APOO: variants seen among roughly 807,000 people sequenced by gnomAD.
The protein encoded by APOO is apolipoprotein O, also known as MICOS complex subunit MIC26.
Under a neutral mutation model 23.1 loss-of-function variants are expected in APOO, and 11 were observed. The observed-to-expected ratio is 0.48, with a 90% CI of 0.30 to 0.79. The LOEUF (loss-of-function observed/expected upper bound fraction) is 0.79. Among genes scored for constraint, APOO ranks in the 30% least tolerant of loss-of-function variants. The pLI, the probability that APOO is intolerant of heterozygous loss-of-function variation, is 0.07. For synonymous variants in APOO, 59 were observed against 54.8 expected (o/e 1.08, Z -0.34); for missense variants, 160 against 142.7 (o/e 1.12, Z -0.62).
chrX:23,858,748 G>C lies in APOO; in HGVS notation c.389-15C>G. 8.6e-7 allele frequency: 1 copy of C among 1,161,004 alleles called. No homozygotes were observed. The highest frequency in any genetic ancestry group is 1.2e-6 in the Non-Finnish European group (1 of 851,797). On this transcript the variant is annotated splice_polypyrimidine_tract_variant and intron_variant, in intron 5 of 8. Transcript: ENST00000379226. ...TATTTTTGAACCTGATAAATAAAAG[G>C]TTGTACACGCCATCAGATGATTCAT...
chrX:23,854,610 T>G (rs979054725), intron 7 of APOO, among the ~76,000 whole-genome samples: 8 of 111,421 alleles, frequency 7.2e-5, no homozygotes, highest in African/African-American at 2.6e-4. Flanking sequence ...AACCTCTGCC[T>G]CCTGGGTTCA....
intron 1 of APOO, among the ~76,000 whole-genome samples, chrX:23,900,815 G>A (rs1216971982): frequency 9.0e-6 from 1 of 110,737 alleles, no homozygotes; most frequent in African/African-American, 3.3e-5. Context: ...TAACTTCTTC[G>A]AAAGGTAAGA....
intron 8 of APOO, 101 bp downstream of exon 8, chrX:23,840,212 T>C: frequency 2.2e-6 from 1 of 451,315 alleles, no homozygotes; most frequent in Non-Finnish European, 3.5e-6. Context: ...TCACATCAAA[T>C]TGAAACTGTT....
intron 1 of APOO, among the ~76,000 whole-genome samples, chrX:23,893,026 G>T (rs1926736924): frequency 1.8e-5 from 2 of 109,244 alleles, no homozygotes; most frequent in African/African-American, 6.6e-5. Flanking sequence ...CTATGTGAAA[G>T]AACTCAGAAT....
intron 7 of APOO, among the ~76,000 whole-genome samples, chrX:23,853,617 TTTTG>T (rs1238911251): frequency 3.1e-5 from 3 of 96,254 alleles, no homozygotes; most frequent in African/African-American, 1.3e-4. Flanking sequence ...CGTTTTTTTT[TTTTG>T]TTTGTTTGTT....
intron 7 of APOO, among the ~76,000 whole-genome samples, chrX:23,854,620 A>G (rs1325300118): frequency 9.0e-6 from 1 of 110,942 alleles, no homozygotes; most frequent in Non-Finnish European, 1.9e-5. Context: ...TCCTGGGTTC[A>G]AGCAATTCTC....
intron 4 of APOO, among the ~76,000 whole-genome samples, chrX:23,874,180 C>T (rs1395491138): frequency 9.0e-6 from 1 of 111,299 alleles, no homozygotes; most frequent in Non-Finnish European, 1.9e-5. Flanking sequence ...GCCCAAGAAT[C>T]CTAACGATCT....
chrX:23,863,330 C>T (rs375926318), intron 5 of APOO, among the ~76,000 whole-genome samples: 2 of 110,178 alleles, frequency 1.8e-5, no homozygotes, highest in South Asian at 3.7e-4. Flanking sequence ...AGTGAGACTC[C>T]GTCTCAAAAA....
intron 1 of APOO, among the ~76,000 whole-genome samples, chrX:23,891,535 A>C (rs1359495406): frequency 9.0e-6 from 1 of 111,514 alleles, no homozygotes; most frequent in Non-Finnish European, 1.9e-5. Context: ...CCAAAATCTA[A>C]GTCTTTAACT....
intron 1 of APOO, among the ~76,000 whole-genome samples, chrX:23,884,400 G>A (rs1259389941): frequency 9.0e-6 from 1 of 111,581 alleles, no homozygotes; most frequent in African/African-American, 3.3e-5. Context: ...TGACCAAAGG[G>A]AAAGGAAGAG....
chrX:23,875,553 G>A (rs919703134), intron 3 of APOO, among the ~76,000 whole-genome samples: 2 of 106,247 alleles, frequency 1.9e-5, no homozygotes, highest in Non-Finnish European at 3.9e-5. Flanking sequence ...CCGAGTAGCT[G>A]GGATTACAGG....
At chrX:23,903,178 G>C (rs1364682367) in intron 1 of APOO, among the ~76,000 whole-genome samples, 2 of 111,028 alleles carry the variant, frequency 1.8e-5, no homozygotes, top group Non-Finnish European at 3.8e-5. Context: ...GACCAGCCTG[G>C]CCAGCATGGT....
intron 1 of APOO, among the ~76,000 whole-genome samples, chrX:23,906,430 C>G (rs1229047052): frequency 8.9e-6 from 1 of 112,328 alleles, no homozygotes; most frequent in Non-Finnish European, 1.9e-5. Context: ...CTTTGAGGAG[C>G]TGAGGGCCCC....
intron 7 of APOO, among the ~76,000 whole-genome samples, chrX:23,844,496 AAGAAG>A (rs1483636812): frequency 2.7e-5 from 3 of 111,377 alleles, no homozygotes; most frequent in African/African-American, 9.8e-5. Flanking sequence ...AGGGAGGCAG[AAGAAG>A]AGGTCAGAAG....
At chrX:23,884,539 G>A (rs1052902483) in intron 1 of APOO, among the ~76,000 whole-genome samples, 1 of 111,995 alleles carries the variant, frequency 8.9e-6, no homozygotes, top group African/African-American at 3.2e-5. Flanking sequence ...GCTAAATTGA[G>A]CTAATTAACA....
chrX:23,848,852 ATTT>A (rs773306111), intron 7 of APOO, among the ~76,000 whole-genome samples: 5 of 63,628 alleles, frequency 7.9e-5, no homozygotes, highest in African/African-American at 3.2e-4. Flanking sequence ...TGCGCGGCTG[ATTT>A]TTTTTTTTTT....
At chrX:23,881,846 G>A (rs1926154169) in intron 1 of APOO, among the ~76,000 whole-genome samples, 1 of 100,259 alleles carries the variant, frequency 1.0e-5, no homozygotes, top group South Asian at 4.7e-4. Context: ...TACACAGAAG[G>A]CTGAAGCAGG....
Position 23,880,857 on chromosome X carries a change from C to T in APOO, c.105G>A (p.Val35=), listed in dbSNP as rs1926086955. 8.5e-7 allele frequency: 1 copy of T among 1,182,168 alleles called. No homozygotes were observed. Among genetic ancestry groups the T allele is most frequent in the Middle Eastern group, 2.4e-4 (1 of 4,240 alleles). The part of the protein sequence containing the change: ...PKKDSPPKNS[V]KVDELSLYSV... ...AACAACATGTTACCTCATCAACCTT[C>T]ACGGAATTTTTGGGAGGTGAGTCCT... Residue 35 remains valine, a synonymous_variant, in exon 2 of 9, where the codon GTG becomes GTA. Transcript: ENST00000379226.
At chrX:23,896,840 C>T (rs1324984361) in intron 1 of APOO, among the ~76,000 whole-genome samples, 1 of 103,052 alleles carries the variant, frequency 9.7e-6, no homozygotes, top group Non-Finnish European at 2.0e-5. Flanking sequence ...TGGAGTCTCA[C>T]TATGTTTCCC....
Sources: allele counts gnomAD v4.1 joint callset (sites outside exome capture counted in the v4.1 genomes callset), GRCh38; gene constraint gnomAD v4.1.1; transcripts MANE v1.5; gene names NCBI Gene and HGNC (gene_info 2026-07-23, HGNC 2026-07-21).